Variants in GPR89A observed in about 807,000 individuals in gnomAD.
The protein encoded by GPR89A is golgi pH regulator A, also known as G protein-coupled receptor 89A.
In GPR89A, 16 loss-of-function variants were observed where a neutral mutation model predicts 52.0. The observed-to-expected ratio is 0.31, with a 90% CI of 0.21 to 0.47. GPR89A has a LOEUF of 0.47. GPR89A is among the 20% of genes least tolerant of loss of function. GPR89A has a pLI of 1.00. For synonymous variants in GPR89A, 55 were observed against 150.9 expected (o/e 0.36, Z 4.66); for missense variants, 135 against 449.4 (o/e 0.30, Z 6.33).
intron 3 of GPR89A, 93 bp from the exon 4 acceptor site, chr1:145,622,961 T>A (rs1649238015): frequency 8.8e-6 from 14 of 1,594,144 alleles, no homozygotes; most frequent in Non-Finnish European, 1.2e-5. Context: ...CAATATTGAG[T>A]CCAAAGAGCA....
intron 11 of GPR89A, among the ~76,000 whole-genome samples, chr1:145,664,393 T>G (rs1229015420): frequency 2.0e-5 from 3 of 152,196 alleles, no homozygotes; most frequent in Admixed American, 6.5e-5. Context: ...GTGGCCCACA[T>G]CTGTAGTCCC....
intron 5 of GPR89A, among the ~76,000 whole-genome samples, chr1:145,626,853 G>A (rs587692366): frequency 1.6e-4 from 24 of 149,410 alleles, no homozygotes; most frequent in Admixed American, 5.3e-4. Context: ...CCCGGAGGCC[G>A]GAGACACAAG....
intron 10 of GPR89A, among the ~76,000 whole-genome samples, chr1:145,648,754 T>G (rs1255446138): frequency 6.6e-6 from 1 of 150,422 alleles, no homozygotes; most frequent in African/African-American, 2.4e-5. Context: ...GTGCTGGGAC[T>G]ACAGGCGTGA....
intron 1 of GPR89A, among the ~76,000 whole-genome samples, chr1:145,614,579 T>G (rs587610239): frequency 6.6e-6 from 1 of 151,974 alleles, no homozygotes; most frequent in East Asian, 1.9e-4. Flanking sequence ...GGCTTTGTGC[T>G]GGATGCCAAG....
At chr1:145,649,084 G>A (rs587636225) in intron 10 of GPR89A, among the ~76,000 whole-genome samples, 6 of 152,230 alleles carry the variant, frequency 3.9e-5, no homozygotes, top group South Asian at 2.1e-4. Context: ...GATTACAGGC[G>A]TGAGCCACTG....
chr1:145,666,805 T>A (rs1408330770), intron 12 of GPR89A, among the ~76,000 whole-genome samples: 1 of 151,092 alleles, frequency 6.6e-6, no homozygotes, highest in African/African-American at 2.4e-5. Context: ...TATGCAGTGT[T>A]TGGCTTTTTG....
At chr1:145,634,933 T>G (rs1650120665) in intron 7 of GPR89A, among the ~76,000 whole-genome samples, 1 of 152,144 alleles carries the variant, frequency 6.6e-6, no homozygotes, top group African/African-American at 2.4e-5. Flanking sequence ...AAGATAATCA[T>G]TTCTTACCTT....
Position 145,645,840 on chromosome 1 carries a change from T to G in GPR89A, c.728-344T>G, listed in dbSNP as rs1481194080. On this transcript the variant is annotated intron_variant, in intron 8 of 13. Transcript: ENST00000313835. ...AGATAATGTAGGAGAAAGCTATGCT[T>G]TATTATAGTTATTATTCTGTAACTA... is the stretch of plus-strand genomic sequence containing the variant. 7.4e-6 allele frequency: 3 copies of G among 403,350 alleles called. No individual in the cohort carries two copies. The Admixed American group carries it at 1.1e-4, about 14-fold the overall frequency. 25.0% of individuals were successfully genotyped at this position (403,350 alleles called of 1,614,324 possible). A position where few individuals can be genotyped will look rare whatever the true frequency, so the allele number is the denominator to read the frequency against.
chr1:145,669,689 T>C lies in GPR89A; in HGVS notation c.1160T>C (p.Met387Thr). The C allele has an allele frequency of 1.9e-6, 3 of 1,611,562 alleles. No individual in the cohort carries two copies. Among genetic ancestry groups the C allele is most frequent in the African/African-American group, 1.3e-5 (1 of 74,886 alleles). ...NVIVLLLAQI[M>T]GMYFVSSVLL... ...ATTGTCCTGCTATTAGCACAGATAA[T>C]GGTAAGTTTAATTAGTTACCTTTAT... Residue 387 changes from methionine (M) to threonine (T), a missense_variant and splice_region_variant, in exon 13 of 14, where the codon ATG becomes ACG. Met to Thr is a moderately conservative substitution (Grantham distance 81, BLOSUM62 -1). Coordinates refer to ENST00000313835, the MANE Select transcript of GPR89A (RefSeq NM_001097612.2).
At chr1:145,623,257 A>T in intron 4 of GPR89A, 97 bp downstream of exon 4, 2 of 789,340 alleles carry the variant, frequency 2.5e-6, no homozygotes, top group Non-Finnish European at 4.0e-6. Context: ...AACTTTCAGT[A>T]TCTACCGCTA....
intron 10 of GPR89A, among the ~76,000 whole-genome samples, chr1:145,652,800 G>C (rs1651542593): frequency 6.8e-6 from 1 of 146,278 alleles, no homozygotes; most frequent in African/African-American, 2.7e-5. Context: ...AGTATTCTCT[G>C]ATGGTTATTT....
chr1:145,669,616 T>C lies in GPR89A; in HGVS notation c.1096-9T>C. 1 of 1,610,988 alleles carries C rather than the reference T, an allele frequency of 6.2e-7. No individual in the cohort carries two copies. The highest frequency in any genetic ancestry group is 8.5e-7 in the Non-Finnish European group (1 of 1,179,520). ...TACTGCATAAATTCATCTCCCTCTT[T>C]CTTGACAGTTCTTTTATGCCATCTC... is the stretch of plus-strand genomic sequence containing the variant. On this transcript the variant is annotated splice_polypyrimidine_tract_variant and intron_variant, in intron 12 of 13. Transcript: ENST00000313835.
chr1:145,650,597 C>A (rs142529176), intron 10 of GPR89A, among the ~76,000 whole-genome samples: 2,880 of 150,844 alleles, frequency 0.019, 105 homozygotes, highest in African/African-American at 0.068. Context: ...TGTACATTCC[C>A]ACCAACAGTG....
rs372180941 is a variant in GPR89A, at chr1:145,648,562, C to T, written c.909+1295C>T. Among the ~76,000 whole-genome samples the T allele has an allele frequency of 1.7e-4, 25 of 151,326 alleles. No homozygotes were observed. In the South Asian group the frequency reaches 4.4e-3, roughly 27 times the overall value. ...TGGTGCGATCTCGGCTCACTGCAAC[C>T]TCTGCCTCCTGGGCCCAAGCAATTC... On this transcript the variant is annotated intron_variant, in intron 10 of 13. Coordinates refer to ENST00000313835, the MANE Select transcript of GPR89A (RefSeq NM_001097612.2).
rs1371877862 is a variant in GPR89A, at chr1:145,625,827, A to C, written c.415+2113A>C. 3.1e-4 allele frequency among the ~76,000 whole-genome samples: 46 copies of C among 150,284 alleles called. 1 individual carries two copies. The East Asian group carries it at 8.7e-3, about 29-fold the overall frequency. ...ATCTATATCATCTATAAAACTTAAA[A>C]TTTCATGTTTCCTTTTCTAACTTCC... On this transcript the variant is annotated intron_variant, in intron 5 of 13. Transcript: ENST00000313835.
At chr1:145,634,027 C>T (rs2624734) in intron 7 of GPR89A, among the ~76,000 whole-genome samples, 119 of 151,636 alleles carry the variant, frequency 7.8e-4, no homozygotes, top group East Asian at 1.2e-3. Flanking sequence ...ATATCCCATG[C>T]TCATGGACTG....
At chr1:145,630,274 A>G (rs2101768796) in intron 5 of GPR89A, among the ~76,000 whole-genome samples, 1 of 129,814 alleles carries the variant, frequency 7.7e-6, no homozygotes, top group African/African-American at 3.0e-5. Context: ...AAATACATAT[A>G]TATCAAAGAT....
intron 7 of GPR89A, among the ~76,000 whole-genome samples, chr1:145,642,817 A>C (rs1337607947): frequency 5.3e-5 from 8 of 151,052 alleles, no homozygotes; most frequent in African/African-American, 1.7e-4. Context: ...CTTTAAATCA[A>C]TTATGTACAA....
chr1:145,632,214 A>G (rs1323124916), intron 7 of GPR89A, among the ~76,000 whole-genome samples: 47 of 152,226 alleles, frequency 3.1e-4, no homozygotes, highest in Non-Finnish European at 3.2e-4. Context: ...TAATTAACAT[A>G]TCTATCACCT....
Sources: allele counts gnomAD v4.1 joint callset (sites outside exome capture counted in the v4.1 genomes callset), GRCh38; gene constraint gnomAD v4.1.1; transcripts MANE v1.5; gene names NCBI Gene and HGNC (gene_info 2026-07-23, HGNC 2026-07-21).